The following OTOF variants were observed in gnomAD, a reference collection of about 807,000 sequenced individuals.
OTOF encodes otoferlin.
In OTOF, 218 loss-of-function variants were observed where a neutral mutation model predicts 236.8. The observed-to-expected ratio is 0.92, with a 90% CI of 0.82 to 1.03. The LOEUF (loss-of-function observed/expected upper bound fraction) is 1.03, where lower values mean the gene tolerates loss of function less well. OTOF is among the 50% of genes least tolerant of loss of function. The pLI, the probability that OTOF is intolerant of heterozygous loss-of-function variation, is 0.00. For missense variants in OTOF, 2,590 were observed against 2,694.4 expected (o/e 0.96, Z 0.86); for synonymous variants, 1,041 against 1,072.5 (o/e 0.97, Z 0.57).
At position 26,479,606 on chromosome 2, in the gene OTOF, G is replaced by T; in HGVS notation, c.1960C>A (p.Arg654=). 1.9e-6 allele frequency: 3 copies of T among 1,612,612 alleles called. No homozygotes were observed. Among genetic ancestry groups the T allele is most frequent in the Non-Finnish European group, 2.5e-6 (3 of 1,179,782 alleles). Residue 654 remains arginine (R), a synonymous_variant, in exon 17 of 47, where the codon CGG becomes AGG. Coordinates refer to ENST00000272371, the MANE Select transcript of OTOF (RefSeq NM_194248.3). ...VDGLSRPQRP[R]PRKEPGDEEE... ...TCATCCCCCGGCTCCTTCCGGGGCC[G>T]AGGCCGCTGGGGCCGGGACAGGCCA...
Position 26,474,082 on chromosome 2 carries a change from G to A in OTOF, c.3317C>T (p.Pro1106Leu). The change falls in exon 27 of 47, where the codon CCC (proline) becomes CTC (leucine). Residue 1106 changes from proline (P) to leucine (L), a missense_variant. Transcript: ENST00000272371. ...QIGPAGKADL[P>L]PINGPVDVDR... Reference sequence around the variant, plus strand: ...CACGTCCACCGGGCCATTGATGGGGGGCAGGTCAGCCTTCCCTGCTGGTCC... The same window carrying A: ...CACGTCCACCGGGCCATTGATGGGGAGCAGGTCAGCCTTCCCTGCTGGTCC... 6.2e-7 allele frequency: 1 copy of A among 1,613,008 alleles called. No individual in the cohort carries two copies. Among genetic ancestry groups the A allele is most frequent in the Non-Finnish European group, 8.5e-7 (1 of 1,179,874 alleles).
intron 16 of OTOF, among the ~76,000 whole-genome samples, chr2:26,479,981 T>G (rs1665486223): frequency 6.6e-6 from 1 of 152,244 alleles, no homozygotes; most frequent in Non-Finnish European, 1.5e-5. Context: ...TAGGTGGAGC[T>G]GAGGGTTGGC....
chr2:26,458,010 T>TG lies in OTOF; in HGVS notation c.*227dup. 1 of 1,603,400 alleles carries TG rather than the reference T, an allele frequency of 6.2e-7. No individual in the cohort carries two copies. Among genetic ancestry groups the TG allele is most frequent in the Non-Finnish European group, 8.5e-7 (1 of 1,172,900 alleles). ...CCACTGAAAGGAAATGCGGCAGGGCTGGGGAGCGGCTGGCGGGAGCTGGCG... is the reference window on the plus strand; with the variant it reads ...CCACTGAAAGGAAATGCGGCAGGGCTGGGGGAGCGGCTGGCGGGAGCTGGCG... On this transcript the variant is annotated 3_prime_UTR_variant, in exon 47 of 47. Coordinates refer to ENST00000272371, the MANE Select transcript of OTOF (RefSeq NM_194248.3).
intron 1 of OTOF, among the ~76,000 whole-genome samples, chr2:26,548,648 G>A (rs1667391492): frequency 6.6e-6 from 1 of 152,172 alleles, no homozygotes; most frequent in African/African-American, 2.4e-5. Flanking sequence ...TGTATTTACT[G>A]TATCTTTTCT....
intron 15 of OTOF, 144 bp downstream of exon 15, chr2:26,480,642 G>A: frequency 1.4e-6 from 1 of 716,266 alleles, no homozygotes; most frequent in South Asian, 1.6e-5. Flanking sequence ...GGGGGCCTCT[G>A]CTTCCTGGGG....
chr2:26,480,315 TG>T lies in OTOF; in HGVS notation c.1804-5del. 2 of 1,573,074 alleles carry T rather than the reference TG, an allele frequency of 1.3e-6. No homozygotes were observed. Among genetic ancestry groups the T allele is most frequent in the Non-Finnish European group, 1.7e-6 (2 of 1,145,320 alleles). On this transcript the variant is annotated splice_polypyrimidine_tract_variant and splice_region_variant and intron_variant, in intron 15 of 46. Transcript: ENST00000272371. ...CTTCCATTTTACCTGCACAGCTCTGTGGGGAGGCAGTTCAAAGCGTTCCTGA... is the reference window on the plus strand; with the variant it reads ...CTTCCATTTTACCTGCACAGCTCTGTGGGAGGCAGTTCAAAGCGTTCCTGA...
rs1216235002 is a variant in OTOF, at chr2:26,479,278, T to TGTG, written c.2197_2199dup (p.His733dup). 5 of 1,612,736 alleles carry TGTG rather than the reference T, an allele frequency of 3.1e-6. No homozygotes were observed. The Admixed American group carries it at 5.0e-5, about 16-fold the overall frequency. ...CTGGCCCTGACCAGCTTGTCGGCAA[T>TGTG]GTGGTCCATGATGTTGGCATTGTAG... On this transcript the variant is annotated inframe_insertion, in exon 18 of 47. Coordinates refer to ENST00000272371, the MANE Select transcript of OTOF (RefSeq NM_194248.3).
intron 18 of OTOF, among the ~76,000 whole-genome samples, chr2:26,478,860 C>T (rs1461738315): frequency 3.9e-5 from 6 of 152,096 alleles, no homozygotes; most frequent in African/African-American, 7.2e-5. Context: ...CACCAAGCCC[C>T]GCTAATTTTT....
intron 30 of OTOF, chr2:26,472,273 A>T: frequency 1.8e-6 from 1 of 553,598 alleles, no homozygotes; most frequent in Non-Finnish European, 3.3e-6. Context: ...ACACACATGC[A>T]CATATGCACA....
chr2:26,466,511 A>T (rs181815994), intron 36 of OTOF, among the ~76,000 whole-genome samples: 1 of 151,950 alleles, frequency 6.6e-6, no homozygotes, highest in Non-Finnish European at 1.5e-5. Flanking sequence ...TAATTTTTGT[A>T]TTTTTAGTAG....
intron 3 of OTOF, among the ~76,000 whole-genome samples, chr2:26,526,171 AGGATGAAAGGGTAAGTGGT>A (rs1216855923): frequency 2.0e-5 from 3 of 150,342 alleles, no homozygotes; most frequent in East Asian, 2.0e-4. Flanking sequence ...ATGAATGGAA[AGGATGAAAGGGTAAGTGGT>A]GGATGAATGG....
chr2:26,465,525 T>G, intron 38 of OTOF, 147 bp downstream of exon 38: 1 of 797,880 alleles, frequency 1.3e-6, no homozygotes, highest in East Asian at 2.7e-5. Flanking sequence ...CCCTGAAGAC[T>G]GTGCCCAGGG....
intron 30 of OTOF, among the ~76,000 whole-genome samples, chr2:26,471,780 C>T (rs540936978): frequency 2.6e-5 from 4 of 152,216 alleles, no homozygotes; most frequent in Admixed American, 6.5e-5. Context: ...ATACGCACAC[C>T]GCAAGCATGC....
At chr2:26,475,261 G>T in intron 25 of OTOF, 98 bp downstream of exon 25, 1 of 1,365,446 alleles carries the variant, frequency 7.3e-7, no homozygotes, top group Non-Finnish European at 1.0e-6. Flanking sequence ...GCAGGTGGGT[G>T]GCGGAGGTGA....
Position 26,467,169 on chromosome 2 carries a change from A to G in OTOF, c.4292T>C (p.Leu1431Ser), listed in dbSNP as rs780822156. The change falls in exon 35 of 47, where the codon TTG becomes TCG. Residue 1431 changes from leucine to serine, a missense_variant. This residue lies in a region of OTOF where 1,211 missense variants were observed against 1,352.8 expected (regional missense o/e 0.90). Transcript: ENST00000272371. Reference sequence around the variant, plus strand: ...ATCATCCCCGGTCTTGCCCCGAAGCAAGTTGAAAGTGTGCAGCCAGTCCTC... The same window carrying G: ...ATCATCCCCGGTCTTGCCCCGAAGCGAGTTGAAAGTGTGCAGCCAGTCCTC... Reference protein sequence around the residue: ...NFEDWLHTFNLLRGKTGDDED... With the variant: ...NFEDWLHTFNSLRGKTGDDED... 2.5e-6 allele frequency: 4 copies of G among 1,614,016 alleles called. No individual in the cohort carries two copies. The South Asian group carries it at 4.4e-5, about 18-fold the overall frequency.
intron 2 of OTOF, among the ~76,000 whole-genome samples, chr2:26,531,726 G>A (rs1012760601): frequency 1.1e-4 from 17 of 152,080 alleles, no homozygotes; most frequent in Admixed American, 8.5e-4. Context: ...ACAGCAAGAC[G>A]AGATGAGGAT....
At chr2:26,552,015 A>G (rs535424078) in intron 1 of OTOF, among the ~76,000 whole-genome samples, 9 of 150,950 alleles carry the variant, frequency 6.0e-5, no homozygotes, top group African/African-American at 2.2e-4. Context: ...CTGAAATTGG[A>G]TGGTACAACA....
Position 26,501,742 on chromosome 2 carries a change from G to T in OTOF, c.765+12C>A. ...AGTCTGAAAGACATGAGGCCTCCAG[G>T]TGCCCACCTACCTGGTAATCCATGG... On this transcript the variant is annotated intron_variant, in intron 8 of 46. Transcript: ENST00000272371. 6.2e-7 allele frequency: 1 copy of T among 1,604,972 alleles called. No homozygotes were observed. The highest frequency in any genetic ancestry group is 8.5e-7 in the Non-Finnish European group (1 of 1,171,622).
Position 26,493,496 on chromosome 2 carries a change from T to A in OTOF, c.897+1446A>T, listed in dbSNP as rs535258319. ...GATGGCAGGGCCCAGGCCTGTGGCT[T>A]CTGGGTTAGTCTGATGTGTGATCAG... On this transcript the variant is annotated intron_variant, in intron 9 of 46. Coordinates refer to ENST00000272371, the MANE Select transcript of OTOF (RefSeq NM_194248.3). Among the ~76,000 whole-genome samples the A allele has an allele frequency of 2.0e-5, 3 of 152,270 alleles. No homozygotes were observed. The East Asian group carries it at 5.8e-4, about 29-fold the overall frequency.
Sources: gnomAD v4.1 joint callset for allele counts (sites outside exome capture counted in the v4.1 genomes callset) on GRCh38, gnomAD v4.1.1 for gene constraint, gnomAD v4.1.1 regional missense constraint, MANE v1.5 for transcripts, NCBI Gene and HGNC (gene_info 2026-07-23, HGNC 2026-07-21) for gene names.